The following CTCFL variants were observed in gnomAD, a reference collection of about 807,000 sequenced individuals.
CTCFL encodes CCCTC-binding factor like, also known as transcriptional repressor CTCFL.
Under a neutral mutation model 67.4 loss-of-function variants are expected in CTCFL, and 36 were observed. The ratio of observed to expected loss-of-function variants is 0.53; its 90% confidence interval spans 0.41 to 0.71. CTCFL has a LOEUF of 0.71. Ranked by LOEUF, CTCFL falls within the 30% of genes least tolerant of loss-of-function variation. The probability of loss-of-function intolerance (pLI) is 0.00; values close to 1 mark genes in which losing one functional copy is unlikely to be tolerated. For missense variants in CTCFL, 786 were observed against 835.2 expected (o/e 0.94, Z 0.73); for synonymous variants, 324 against 302.3 (o/e 1.07, Z -0.75).
At chr20:57,515,640 A>T (rs748747051) in intron 6 of CTCFL, 74 bp downstream of exon 6, 1 of 1,591,642 alleles carries the variant, frequency 6.3e-7, no homozygotes. Flanking sequence ...TTGTGCCAAT[A>T]AAAAGTAATT....
chr20:57,504,250 A>G (rs1312174302), intron 9 of CTCFL, among the ~76,000 whole-genome samples: 3 of 147,700 alleles, frequency 2.0e-5, no homozygotes, highest in African/African-American at 5.0e-5. Context: ...TGCTGGGATT[A>G]CAGGCATGAG....
Position 57,524,180 on chromosome 20 carries a change from A to T in CTCFL, c.26T>A (p.Leu9His). 6.2e-7 allele frequency: 1 copy of T among 1,613,260 alleles called. No individual in the cohort carries two copies. Among genetic ancestry groups the T allele is most frequent in the Non-Finnish European group, 8.5e-7 (1 of 1,179,918 alleles). MAATEISV[L>H]SEQFTKIKEL... Reference sequence around the variant, plus strand: ...TTTGATCTTGGTGAATTGCTCAGAAAGGACAGAGATCTCAGTGGCTGCCAT... The same window carrying T: ...TTTGATCTTGGTGAATTGCTCAGAATGGACAGAGATCTCAGTGGCTGCCAT... The change falls in exon 2 of 11, where the codon CTT (leucine) becomes CAT (histidine). Residue 9 changes from leucine to histidine, a missense_variant. Transcript: ENST00000243914.
At chr20:57,521,853 T>C (rs1174721872) in intron 3 of CTCFL, among the ~76,000 whole-genome samples, 1 of 152,188 alleles carries the variant, frequency 6.6e-6, no homozygotes, top group Non-Finnish European at 1.5e-5. Context: ...TGATTCAACT[T>C]CTGGAAAATG....
chr20:57,505,619 T>C (rs1339896151), intron 9 of CTCFL, among the ~76,000 whole-genome samples: 1 of 152,210 alleles, frequency 6.6e-6, no homozygotes, highest in South Asian at 2.1e-4. Context: ...GAACCAAAAA[T>C]TCAATACATC....
chr20:57,514,895 A>C (rs2068805464), intron 6 of CTCFL, 154 bp from the exon 7 acceptor site: 1 of 706,122 alleles, frequency 1.4e-6, no homozygotes, highest in African/African-American at 1.8e-5. Flanking sequence ...TCCCAAATCA[A>C]GCCCAGACAG....
chr20:57,524,930 C>G (rs1373707432), intron 1 of CTCFL, 98 bp downstream of exon 1: 3 of 193,652 alleles, frequency 1.5e-5, no homozygotes, highest in African/African-American at 7.1e-5. Flanking sequence ...GCCGCCCGCC[C>G]TTGGGCCTTT....
At chr20:57,498,736 G>A (rs1339956322) in intron 10 of CTCFL, 35 bp from the exon 11 acceptor site, 9 of 1,569,042 alleles carry the variant, frequency 5.7e-6, no homozygotes. Context: ...AAATTTATCA[G>A]AAAGCTAAGG....
At chr20:57,504,787 T>C (rs1257036322) in intron 9 of CTCFL, among the ~76,000 whole-genome samples, 5 of 151,974 alleles carry the variant, frequency 3.3e-5, no homozygotes, top group Admixed American at 6.6e-5. Context: ...AATACTCTTT[T>C]CTCAAAATTT....
chr20:57,519,994 G>A lies in CTCFL; in HGVS notation c.755-617C>T, dbSNP rs149806503. On this transcript the variant is annotated intron_variant, in intron 3 of 10. Coordinates refer to ENST00000243914, the MANE Select transcript of CTCFL (RefSeq NM_001386993.1). ...AGGCCACATGGAGATAGTGGCCACC[G>A]TACTGAACAGGGCAGATAAAGACCA... 2.4e-3 allele frequency among the ~76,000 whole-genome samples: 369 copies of A among 152,214 alleles called. 1 individual carries two copies. The highest frequency in any genetic ancestry group is 7.8e-3 in the African/African-American group (324 of 41,512).
At chr20:57,510,807 G>A (rs1327217114) in intron 8 of CTCFL, among the ~76,000 whole-genome samples, 2 of 152,296 alleles carry the variant, frequency 1.3e-5, no homozygotes, top group East Asian at 3.9e-4. Context: ...AGTTTGCAGT[G>A]ATAGCGCCAC....
intron 9 of CTCFL, chr20:57,507,107 GA>G: frequency 1.1e-6 from 1 of 937,826 alleles, no homozygotes; most frequent in Non-Finnish European, 1.3e-6. Context: ...GAAATTCTTT[GA>G]TGCTGTTCCT....
At chr20:57,503,298 C>G (rs1300825504) in intron 10 of CTCFL, 138 bp downstream of exon 10, 8 of 994,940 alleles carry the variant, frequency 8.0e-6, no homozygotes, top group Non-Finnish European at 1.1e-5. Context: ...AGATCTGGCA[C>G]AAGCCACCTT....
chr20:57,507,299 C>T, intron 9 of CTCFL: 1 of 401,602 alleles, frequency 2.5e-6, no homozygotes, highest in Middle Eastern at 7.6e-4. Flanking sequence ...TCAAGTGATC[C>T]TCCCGTCCCA....
chr20:57,514,382 C>A (rs2068764436), intron 7 of CTCFL, among the ~76,000 whole-genome samples: 1 of 152,168 alleles, frequency 6.6e-6, no homozygotes, highest in Non-Finnish European at 1.5e-5. Context: ...CAGGCCTGGG[C>A]CCGGATTCTA....
At chr20:57,504,069 T>C (rs545301371) in intron 9 of CTCFL, among the ~76,000 whole-genome samples, 131 of 147,320 alleles carry the variant, frequency 8.9e-4, no homozygotes, top group Non-Finnish European at 1.4e-3. Flanking sequence ...CTCCGCCTCC[T>C]GGGTTCACGT....
At position 57,504,137 on chromosome 20, in the gene CTCFL, C is replaced by T. The variant is rs186183923; in HGVS notation, c.1675-536G>A. On this transcript the variant is annotated intron_variant, in intron 9 of 10. Transcript: ENST00000243914. Reference sequence around the variant, plus strand: ...GACTACAGGCACCCGTCACCACGCCCGGCTGATTTTTTATATTTTTAGTAG... The same window carrying T: ...GACTACAGGCACCCGTCACCACGCCTGGCTGATTTTTTATATTTTTAGTAG... Among the ~76,000 whole-genome samples, 1,078 of 151,904 alleles carry T rather than the reference C, an allele frequency of 7.1e-3. 10 individuals carry two copies. Among genetic ancestry groups the T allele is most frequent in the Non-Finnish European group, 9.9e-3 (673 of 67,916 alleles).
intron 8 of CTCFL, among the ~76,000 whole-genome samples, chr20:57,510,795 G>A (rs1048612447): frequency 1.3e-5 from 2 of 152,176 alleles, no homozygotes; most frequent in African/African-American, 4.8e-5. Context: ...CCCAGGAGGT[G>A]GAGTTTGCAG....
At chr20:57,506,702 C>A in intron 9 of CTCFL, 1 of 694,054 alleles carries the variant, frequency 1.4e-6, no homozygotes, top group Non-Finnish European at 1.8e-6. Flanking sequence ...TTTCTTGAAT[C>A]GGAATTTCAA....
chr20:57,518,393 A>C (rs976029498), intron 5 of CTCFL: 31 of 636,788 alleles, frequency 4.9e-5, no homozygotes, highest in Non-Finnish European at 6.4e-5. Context: ...AATTTCAGCC[A>C]ACATTGAGAT....
Sources: gnomAD v4.1 joint callset for allele counts (sites outside exome capture counted in the v4.1 genomes callset) on GRCh38, gnomAD v4.1.1 for gene constraint, MANE v1.5 for transcripts, NCBI Gene and HGNC (gene_info 2026-07-23, HGNC 2026-07-21) for gene names.